KRTAP5-5: variants seen among roughly 807,000 people sequenced by gnomAD.
KRTAP5-5 encodes keratin-associated protein 5-5.
A neutral mutation model predicts 2.8 loss-of-function variants in KRTAP5-5; 1 was observed. The ratio of observed to expected loss-of-function variants is 0.35; its 90% CI spans 0.13 to 1.67. KRTAP5-5 has a LOEUF of 1.67. Ranked by LOEUF, KRTAP5-5 falls within the 40% of genes most tolerant of loss-of-function variation. The pLI is 0.35. For missense variants in KRTAP5-5, 134 were observed against 270.9 expected, an observed-to-expected ratio of 0.49 and a Z score of 3.55; for synonymous variants, 83 against 110.6, an observed-to-expected ratio of 0.75 and a Z score of 1.57.
chr11:1,630,241 G>C (rs1279012181), exon 1 of KRTAP5-5: 1 of 820,234 alleles, frequency 1.2e-6, no homozygotes, highest in Non-Finnish European at 1.8e-6. Flanking sequence ...TCCTGTGGGG[G>C]GTCCAAGGGG....
At chr11:1,630,380 G>A (rs200516743) in exon 1 of KRTAP5-5, 5 of 1,242,414 alleles carry the variant, frequency 4.0e-6, no homozygotes, top group Non-Finnish European at 5.4e-6. Flanking sequence ...GCTGCTGTAA[G>A]CCTTACTGCT....
At chr11:1,629,829 T>C (rs766041958) in exon 1 of KRTAP5-5, 52 of 1,589,220 alleles carry the variant, frequency 3.3e-5, no homozygotes, top group Non-Finnish European at 3.9e-5. Flanking sequence ...CCACCCTCAA[T>C]CCACCAGAAC....
chr11:1,630,817 A>G, downstream of KRTAP5-5: 1 of 599,472 alleles, frequency 1.7e-6, no homozygotes. Flanking sequence ...GACCCCTTAG[A>G]CCCTGACAGC....
chr11:1,630,515 C>T (rs1241038741), exon 1 of KRTAP5-5: 3 of 1,614,026 alleles, frequency 1.9e-6, no homozygotes, highest in Non-Finnish European at 2.5e-6. Flanking sequence ...GCTGCCAGTC[C>T]AGCTGCTGTG....
exon 1 of KRTAP5-5, chr11:1,629,799 C>T: frequency 6.2e-7 from 1 of 1,611,222 alleles, no homozygotes; most frequent in Non-Finnish European, 8.5e-7. Flanking sequence ...ACCTCCCTCT[C>T]ACCTGCTCCT....
chr11:1,630,388 GCTGCCAGTCCAGCTGCTGTAAGCCC>G lies in KRTAP5-5; in HGVS notation c.549_573del (p.Cys184ThrfsTer59), dbSNP rs1564965372. 1.5e-6 allele frequency: 1 copy of G among 656,912 alleles called. No homozygotes were observed. Among genetic ancestry groups the G allele is most frequent in the Admixed American group, 4.6e-5 (1 of 21,628 alleles). 40.7% of individuals were successfully genotyped at this position (656,912 alleles called of 1,614,324 possible). A position where few individuals can be genotyped will look rare whatever the true frequency, so the allele number is the denominator to read the frequency against. ...CAGTCCAGCTGCTGTAAGCCTTACT[GCTGCCAGTCCAGCTGCTGTAAGCCC>G]TACTGCTGCCAGTCCAGCTGCTGTA... On this transcript the variant is annotated frameshift_variant, in exon 1 of 1. Coordinates refer to ENST00000399676, the Ensembl canonical transcript of KRTAP5-5. LOFTEE classifies it low-confidence loss of function (END_TRUNC).
chr11:1,630,743 C>T (rs1415787265), downstream of KRTAP5-5: 3 of 763,924 alleles, frequency 3.9e-6, no homozygotes, highest in East Asian at 5.4e-5. Context: ...TCCTGAACTT[C>T]CTCTCCCTGC....
rs560926474 is a variant in KRTAP5-5 at position 1,629,775 on chromosome 11, G to T, written c.-66G>T. 47 of 1,610,234 alleles carry T rather than the reference G, an allele frequency of 2.9e-5. No individual in the cohort carries two copies. In the East Asian group the frequency reaches 1.0e-3, roughly 34 times the overall value. The stretch of plus-strand genomic sequence containing the variant: ...GGATATAAAGAGCCCGGGCTCAGGG[G>T]GCTCCACACCTGCACCTCCCTCTCA... On this transcript the variant is annotated 5_prime_UTR_variant, in exon 1 of 1. Transcript: ENST00000399676.
downstream of KRTAP5-5, chr11:1,630,857 C>G: frequency 1.8e-6 from 1 of 566,682 alleles, no homozygotes; most frequent in Non-Finnish European, 3.3e-6. Context: ...GTGATCGACC[C>G]TCAATCTCTC....
chr11:1,630,881 A>G (rs762496545), downstream of KRTAP5-5, among the ~76,000 whole-genome samples: 24 of 152,116 alleles, frequency 1.6e-4, no homozygotes, highest in Non-Finnish European at 3.2e-4. Flanking sequence ...CTGTCTGTAT[A>G]TCAAGACTGA....
exon 1 of KRTAP5-5, chr11:1,630,116 C>T (rs762963324): frequency 6.6e-5 from 106 of 1,607,462 alleles, no homozygotes; most frequent in Middle Eastern, 2.1e-4. Flanking sequence ...GTGGCTCTTG[C>T]GGGGGCTCCA....
chr11:1,630,612 C>T, exon 1 of KRTAP5-5: 1 of 1,604,728 alleles, frequency 6.2e-7, no homozygotes, highest in Non-Finnish European at 8.5e-7. Context: ...TGCCCAGCTT[C>T]CTTGCCCTGG....
At chr11:1,630,735 C>A, downstream of KRTAP5-5, 1 of 801,198 alleles carries the variant, frequency 1.2e-6, no homozygotes, top group Non-Finnish European at 2.0e-6. Context: ...ACTACTTCTC[C>A]TGAACTTCCT....
chr11:1,630,081 T>C (rs1168723583), exon 1 of KRTAP5-5: 1 of 1,610,304 alleles, frequency 6.2e-7, no homozygotes, highest in Non-Finnish European at 8.5e-7. Flanking sequence ...AGCTTGTTCC[T>C]GCTCCAGCTG....
chr11:1,630,324 C>G lies in KRTAP5-5; in HGVS notation c.484C>G (p.Pro162Ala). The change falls in exon 1 of 1, where the codon CCC (proline) becomes GCC (alanine). Residue 162 changes from proline (P) to alanine (A), a missense_variant. By Grantham distance (27) the Pro-to-Ala change is conservative (BLOSUM62 -1). Transcript: ENST00000399676. ...CTGCTCCCAGTCCAGCTGCTGCAAG[C>G]CCTGCTGCTGCTCCTCAGGCTGTGG... 1.2e-6 allele frequency: 2 copies of G among 1,612,672 alleles called. 1 individual carries two copies. The highest frequency in any genetic ancestry group is 1.7e-6 in the Non-Finnish European group (2 of 1,179,562).
At chr11:1,630,503 C>T in exon 1 of KRTAP5-5, 3 of 1,614,002 alleles carry the variant, frequency 1.9e-6, no homozygotes, top group Non-Finnish European at 2.5e-6. Flanking sequence ...ACAAGCCCTG[C>T]TGCTGCCAGT....
At chr11:1,630,149 G>T (rs917504603) in exon 1 of KRTAP5-5, 3 of 1,601,810 alleles carry the variant, frequency 1.9e-6, no homozygotes, top group Non-Finnish European at 1.7e-6. Flanking sequence ...TCTCCTGTGG[G>T]GTGTCCAAGG....
exon 1 of KRTAP5-5, chr11:1,630,588 G>C (rs1321677368): frequency 6.2e-7 from 1 of 1,610,976 alleles, no homozygotes; most frequent in Non-Finnish European, 8.5e-7. Flanking sequence ...GGCCTGACTG[G>C]TGAAGGGCCC....
downstream of KRTAP5-5, chr11:1,630,725 A>G (rs1223631194): frequency 4.6e-6 from 4 of 868,064 alleles, no homozygotes; most frequent in African/African-American, 5.1e-5. Context: ...CTCATTGCCT[A>G]CTACTTCTCC....
Sources: gnomAD v4.1 joint callset for allele counts (sites outside exome capture counted in the v4.1 genomes callset) on GRCh38, gnomAD v4.1.1 for gene constraint, MANE v1.5 for transcripts, NCBI Gene and HGNC (gene_info 2026-07-23, HGNC 2026-07-21) for gene names.